Variants in NTM observed in about 807,000 individuals in gnomAD.
The protein encoded by NTM is neurotrimin.
NTM carries 13 observed loss-of-function variants against 42.1 expected under a neutral mutation model. The ratio of observed to expected loss-of-function variants is 0.31; its 90% CI spans 0.20 to 0.49. The LOEUF (loss-of-function observed/expected upper bound fraction) is 0.49. Ranked by LOEUF, NTM falls within the 20% of genes least tolerant of loss-of-function variation. The pLI is 0.99. For synonymous variants in NTM, 187 were observed against 179.2 expected, an observed-to-expected ratio of 1.04 and a Z score of -0.35; for missense variants, 373 against 452.8, an observed-to-expected ratio of 0.82 and a Z score of 1.60.
At chr11:131,618,599 C>G (rs906285468) in intron 1 of NTM, among the ~76,000 whole-genome samples, 28 of 152,228 alleles carry the variant, frequency 1.8e-4, no homozygotes, top group Admixed American at 1.6e-3. Context: ...AGACTTTGCT[C>G]CCAGTAACAT....
intron 1 of NTM, among the ~76,000 whole-genome samples, chr11:131,765,697 C>A (rs2084987241): frequency 1.3e-5 from 2 of 152,306 alleles, no homozygotes; most frequent in South Asian, 2.1e-4. Flanking sequence ...AGGCACCGGG[C>A]CCGGCTTCAC....
chr11:132,024,685 G>T (rs1192579922), intron 2 of NTM, among the ~76,000 whole-genome samples: 2 of 152,154 alleles, frequency 1.3e-5, no homozygotes, highest in Non-Finnish European at 2.9e-5. Context: ...ATACAGTCTG[G>T]CTGCAGTTAC....
chr11:131,698,371 A>G (rs1379997392), intron 1 of NTM, among the ~76,000 whole-genome samples: 2 of 152,098 alleles, frequency 1.3e-5, no homozygotes, highest in Non-Finnish European at 2.9e-5. Context: ...TTCTCTTGCA[A>G]TCATAATCAT....
intron 1 of NTM, among the ~76,000 whole-genome samples, chr11:131,565,126 G>C (rs1391191850): frequency 6.6e-6 from 1 of 152,176 alleles, no homozygotes; most frequent in Non-Finnish European, 1.5e-5. Context: ...CGCGCATGTT[G>C]GTGGTCTGCT....
intron 2 of NTM, among the ~76,000 whole-genome samples, chr11:131,974,687 A>G (rs1417637216): frequency 6.6e-6 from 1 of 152,204 alleles, no homozygotes. Context: ...GTAAGTCACT[A>G]AAATGCTCTT....
intron 2 of NTM, among the ~76,000 whole-genome samples, chr11:132,025,290 G>A (rs1418288985): frequency 6.6e-6 from 1 of 152,194 alleles, no homozygotes; most frequent in East Asian, 1.9e-4. Context: ...CCCAGAATTT[G>A]GTGGGCAGGT....
chr11:132,095,834 G>T (rs1269998535), intron 2 of NTM, among the ~76,000 whole-genome samples: 4 of 152,156 alleles, frequency 2.6e-5, no homozygotes, highest in Admixed American at 2.6e-4. Context: ...GAGCAGATTT[G>T]GCTCTGGCCG....
At chr11:131,613,817 T>C (rs1055754722) in intron 1 of NTM, among the ~76,000 whole-genome samples, 31 of 152,088 alleles carry the variant, frequency 2.0e-4, no homozygotes, top group African/African-American at 7.5e-4. Context: ...TGCCCCACTC[T>C]CCTAAAGCTG....
intron 2 of NTM, among the ~76,000 whole-genome samples, chr11:132,004,608 TC>T: frequency 5.4e-5 from 1 of 18,602 alleles, no homozygotes; most frequent in African/African-American, 1.1e-4. Flanking sequence ...TCTCTCTTTC[TC>T]TCTCTCTCTC....
intron 4 of NTM, among the ~76,000 whole-genome samples, chr11:132,216,088 G>A (rs1246678334): frequency 2.6e-5 from 4 of 152,240 alleles, no homozygotes; most frequent in Admixed American, 6.5e-5. Flanking sequence ...CTTCAAGAAT[G>A]TGTTTTTTAG....
intron 1 of NTM, among the ~76,000 whole-genome samples, chr11:131,865,105 C>T (rs516721): frequency 0.091 from 13,884 of 152,230 alleles, 932 homozygotes; most frequent in East Asian, 0.37. Context: ...CTGTATCATG[C>T]GCTCTACCCT....
intron 2 of NTM, among the ~76,000 whole-genome samples, chr11:132,023,654 C>T (rs1189261573): frequency 6.6e-6 from 1 of 152,052 alleles, no homozygotes; most frequent in Non-Finnish European, 1.5e-5. Context: ...AAGTGAACAG[C>T]GTTATTGCAA....
chr11:131,962,172 C>T (rs1226070480), intron 2 of NTM, among the ~76,000 whole-genome samples: 3 of 152,036 alleles, frequency 2.0e-5, no homozygotes, highest in Non-Finnish European at 2.9e-5. Context: ...CTTGAGGGAG[C>T]ACCAAGAAAT....
At chr11:131,833,589 A>G (rs1179668619) in intron 1 of NTM, among the ~76,000 whole-genome samples, 1 of 152,196 alleles carries the variant, frequency 6.6e-6, no homozygotes, top group Non-Finnish European at 1.5e-5. Context: ...CGTGACTGTC[A>G]AGGCTGAATG....
chr11:132,264,328 A>C (rs901413341), intron 4 of NTM, among the ~76,000 whole-genome samples: 1 of 152,168 alleles, frequency 6.6e-6, no homozygotes, highest in Non-Finnish European at 1.5e-5. Flanking sequence ...CATATTCTTC[A>C]TCCATTTTTC....
intron 1 of NTM, among the ~76,000 whole-genome samples, chr11:131,794,286 C>A (rs939062420): frequency 6.6e-6 from 1 of 152,150 alleles, no homozygotes. Context: ...AGCCAATCAC[C>A]AGGATAAACG....
intron 3 of NTM, among the ~76,000 whole-genome samples, chr11:132,148,690 C>T (rs979826836): frequency 2.6e-5 from 4 of 152,156 alleles, no homozygotes; most frequent in Non-Finnish European, 5.9e-5. Context: ...CTGAACACCT[C>T]GCAGAATGCC....
chr11:132,259,151 C>T (rs2092689736), intron 4 of NTM, among the ~76,000 whole-genome samples: 2 of 152,046 alleles, frequency 1.3e-5, no homozygotes, highest in Non-Finnish European at 2.9e-5. Context: ...AATCTCTCTC[C>T]CCACAAATAT....
intron 2 of NTM, among the ~76,000 whole-genome samples, chr11:131,919,128 T>TTA (rs397784231): frequency 1.3e-5 from 2 of 150,132 alleles, no homozygotes; most frequent in African/African-American, 4.9e-5. Context: ...TTTTTTTTTT[T>TTA]AAATTAGTAA....
Sources: allele counts gnomAD v4.1 joint callset (sites outside exome capture counted in the v4.1 genomes callset), GRCh38; gene constraint gnomAD v4.1.1; transcripts MANE v1.5; gene names NCBI Gene and HGNC (gene_info 2026-07-23, HGNC 2026-07-21).